Variants in AARS1 observed in about 807,000 individuals in gnomAD.
The protein encoded by AARS1 is alanine--tRNA ligase, cytoplasmic.
Under a neutral mutation model 108.9 loss-of-function variants are expected in AARS1, and 72 were observed. The observed-to-expected ratio is 0.66, with a 90% CI of 0.55 to 0.80. The LOEUF is 0.80. AARS1 is among the 30% of genes least tolerant of loss of function. The pLI is 0.00. For missense variants in AARS1, 1,193 were observed against 1,233.2 expected (o/e 0.97, Z 0.49); for synonymous variants, 489 against 465.7 (o/e 1.05, Z -0.64).
intron 7 of AARS1, among the ~76,000 whole-genome samples, chr16:70,269,131 C>A (rs1960331978): frequency 6.6e-6 from 1 of 151,814 alleles, no homozygotes; most frequent in African/African-American, 2.4e-5. Flanking sequence ...TGAGACCAGC[C>A]TGACCAACAT....
chr16:70,288,811 C>T (rs1960944162), intron 1 of AARS1, among the ~76,000 whole-genome samples: 1 of 152,118 alleles, frequency 6.6e-6, no homozygotes, highest in Admixed American at 6.6e-5. Flanking sequence ...AGGTGATCCG[C>T]CCGCCTCGAC....
At chr16:70,283,897 G>GA (rs748808660) in intron 1 of AARS1, among the ~76,000 whole-genome samples, 29 of 152,308 alleles carry the variant, frequency 1.9e-4, no homozygotes, top group Non-Finnish European at 2.8e-4. Flanking sequence ...GGTGGAGAGA[G>GA]AAAAAACTTT....
At chr16:70,267,938 C>A in intron 8 of AARS1, 129 bp from the exon 9 acceptor site, 8 of 1,319,604 alleles carry the variant, frequency 6.1e-6, no homozygotes, top group Non-Finnish European at 7.4e-6. Context: ...GAAGCCGAGG[C>A]AGGTGGATTG....
rs780261077 is a variant in AARS1 at position 70,253,752 on chromosome 16, G to C, written c.2569C>G (p.Leu857Val). 6.2e-7 allele frequency: 1 copy of C among 1,614,086 alleles called. No homozygotes were observed. The highest frequency in any genetic ancestry group is 8.5e-7 in the Non-Finnish European group (1 of 1,180,056). ...QFIDSNPNQP[L>V]VILEMESGAS... is the part of the protein sequence containing the mutation. ...CCGCTCTCCATCTCCAGGATGACAA[G>C]AGGCTGGTTGGGGTTGCTGTCGATG... Residue 857 changes from leucine (L) to valine (V), a missense_variant, in exon 19 of 21, where the codon CTT becomes GTT. By Grantham distance (32) the Leu-to-Val change is conservative. Transcript: ENST00000261772.
intron 4 of AARS1, among the ~76,000 whole-genome samples, chr16:70,272,889 GAC>G (rs71928705): frequency 0.1 from 14,107 of 140,170 alleles, 769 homozygotes; most frequent in South Asian, 0.15. Flanking sequence ...CAGCCTGGGT[GAC>G]ACACACACAC....
intron 2 of AARS1, among the ~76,000 whole-genome samples, chr16:70,278,426 A>G (rs1372600230): frequency 6.6e-6 from 1 of 151,822 alleles, no homozygotes; most frequent in Non-Finnish European, 1.5e-5. Flanking sequence ...TTAGCCAGCC[A>G]TGGTGGTGCA....
Position 70,253,966 on chromosome 16 carries a change from C to A in AARS1, c.2473G>T (p.Val825Phe). 6.2e-7 allele frequency: 1 copy of A among 1,614,178 alleles called. No homozygotes were observed. Among genetic ancestry groups the A allele is most frequent in the Non-Finnish European group, 8.5e-7 (1 of 1,180,048 alleles). Reference sequence around the variant, plus strand: ...CTGGCTCGGTCCAAGTCATCCATGACCTTCTTTAGGGATTTGAGAGTCTCC... The same window carrying A: ...CTGGCTCGGTCCAAGTCATCCATGAACTTCTTTAGGGATTTGAGAGTCTCC... Reference protein sequence around the residue: ...LRETLKSLKKVMDDLDRASKA... With the variant: ...LRETLKSLKKFMDDLDRASKA... The change falls in exon 18 of 21, where the codon GTC becomes TTC. Residue 825 changes from valine (V) to phenylalanine (F), a missense_variant. Val to Phe is a conservative substitution (Grantham distance 50). Transcript: ENST00000261772.
chr16:70,284,774 A>G (rs1157095080), intron 1 of AARS1, among the ~76,000 whole-genome samples: 1 of 152,166 alleles, frequency 6.6e-6, no homozygotes, highest in South Asian at 2.1e-4. Flanking sequence ...TATTATCATT[A>G]TTATCAAAAA....
chr16:70,261,153 G>C lies in AARS1; in HGVS notation c.1676C>G (p.Thr559Arg). The stretch of plus-strand genomic sequence containing the variant: ...CTGAGCATTCTTCACTGTAAACTCT[G>C]TTTTCTAAGAGGGGTCAAGGAAGAG... ...VKVDDSSEDK[T>R]EFTVKNAQVR... Residue 559 changes from threonine (T) to arginine (R), a missense_variant, in exon 13 of 21, where the codon ACA (threonine) becomes AGA (arginine). Thr to Arg is a moderately conservative substitution (Grantham distance 71, BLOSUM62 -1). Transcript: ENST00000261772. 1 of 1,611,812 alleles carries C rather than the reference G, an allele frequency of 6.2e-7. No homozygotes were observed. Among genetic ancestry groups the C allele is most frequent in the Non-Finnish European group, 8.5e-7 (1 of 1,178,294 alleles).
chr16:70,264,333 C>T (rs1222872037), intron 11 of AARS1, among the ~76,000 whole-genome samples: 3 of 151,484 alleles, frequency 2.0e-5, no homozygotes, highest in African/African-American at 4.8e-5. Flanking sequence ...TCTTTTTCCC[C>T]GAGACGGAAT....
At chr16:70,274,324 A>G (rs1960484797) in intron 4 of AARS1, among the ~76,000 whole-genome samples, 2 of 151,690 alleles carry the variant, frequency 1.3e-5, no homozygotes, top group Admixed American at 1.3e-4. Context: ...CTGGGCAACA[A>G]GAGCGAAACT....
rs374062105 is a variant in AARS1 at position 70,258,118 on chromosome 16, A to G, written c.2092T>C (p.Ser698Pro). 1 of 1,613,850 alleles carries G rather than the reference A, an allele frequency of 6.2e-7. No individual in the cohort carries two copies. Among genetic ancestry groups the G allele is most frequent in the South Asian group, 1.1e-5 (1 of 90,998 alleles). ...AACTCGGACACCGGGACCCCAATGG[A>G]GACGACTCGCACAGGGTCAGGATAG... The part of the protein sequence containing the change: ...ETYPDPVRVV[S>P]IGVPVSELLD... The change falls in exon 15 of 21, where the codon TCC becomes CCC. Residue 698 changes from serine to proline, a missense_variant. Ser to Pro is a moderately conservative substitution (Grantham distance 74, BLOSUM62 -1). Transcript: ENST00000261772.
Position 70,279,239 on chromosome 16 carries a change from T to C in AARS1, c.145-2085A>G, listed in dbSNP as rs991068296. ...GTGGGGGGGTGCCTGTAGTCCCAGC[T>C]ACTTGGGAGGCTGAGGCAGGAGAAC... On this transcript the variant is annotated intron_variant, in intron 2 of 20. Transcript: ENST00000261772. 9.4e-5 allele frequency among the ~76,000 whole-genome samples: 14 copies of C among 148,194 alleles called. 1 individual carries two copies. The South Asian group carries it at 2.8e-3, about 29-fold the overall frequency.
intron 13 of AARS1, among the ~76,000 whole-genome samples, chr16:70,259,693 C>T (rs1960087376): frequency 6.6e-6 from 1 of 151,932 alleles, no homozygotes; most frequent in South Asian, 2.1e-4. Context: ...TGTTGTTGCC[C>T]AGGCTGGGTC....
At position 70,268,356 on chromosome 16, in the gene AARS1, C is replaced by T. The variant is rs267606621; in HGVS notation, c.986G>A (p.Arg329His). The change falls in exon 8 of 21, where the codon CGC becomes CAC. Residue 329 changes from arginine (R) to histidine (H), a missense_variant. By Grantham distance (29) the Arg-to-His change is conservative. Transcript: ENST00000261772. ...GRGYVLRRIL[R>H]RAVRYAHEKL... The stretch of plus-strand genomic sequence containing the variant: ...TTCATGGGCGTATCGGACAGCTCGG[C>T]GGAGAATCCGTCTCAACACATATCT... The T allele has an allele frequency of 1.2e-6, 2 of 1,614,138 alleles. No homozygotes were observed. Among genetic ancestry groups the T allele is most frequent in the Non-Finnish European group, 8.5e-7 (1 of 1,179,990 alleles).
At chr16:70,278,966 G>A (rs987642270) in intron 2 of AARS1, among the ~76,000 whole-genome samples, 14 of 152,088 alleles carry the variant, frequency 9.2e-5, no homozygotes, top group African/African-American at 2.4e-4. Flanking sequence ...AACAGAGTTC[G>A]GCGTAAATGA....
rs186570190 is a variant in AARS1 at position 70,268,629 on chromosome 16, A to G, written c.963-250T>C. Among the ~76,000 whole-genome samples, 396 of 152,276 alleles carry G rather than the reference A, an allele frequency of 2.6e-3. 1 individual carries two copies. Among genetic ancestry groups the G allele is most frequent in the Non-Finnish European group, 4.0e-3 (273 of 68,022 alleles). On this transcript the variant is annotated intron_variant, in intron 7 of 20. Transcript: ENST00000261772. ...ACATTCAGTTACCCATAGAGGGAGG[A>G]AAGATGGACAGACCAGATGTGTACT...
intron 1 of AARS1, among the ~76,000 whole-genome samples, chr16:70,285,231 A>C (rs960621350): frequency 6.6e-6 from 1 of 151,842 alleles, no homozygotes; most frequent in African/African-American, 2.4e-5. Context: ...TCCGTCTAAA[A>C]AAAAAAAAAA....
intron 4 of AARS1, among the ~76,000 whole-genome samples, chr16:70,273,863 CAAAAAA>C (rs71385651): frequency 1.3e-4 from 7 of 54,238 alleles, no homozygotes; most frequent in Non-Finnish European, 2.2e-4. Flanking sequence ...ACTCCGTCTC[CAAAAAA>C]AAAAAAAAAA....
Sources: allele counts gnomAD v4.1 joint callset (sites outside exome capture counted in the v4.1 genomes callset), GRCh38; gene constraint gnomAD v4.1.1; transcripts MANE v1.5; gene names NCBI Gene and HGNC (gene_info 2026-07-23, HGNC 2026-07-21).